The following TOP1 variants were observed in gnomAD, a reference collection of about 807,000 sequenced individuals.
TOP1 encodes DNA topoisomerase 1.
In TOP1, 10 loss-of-function variants were observed where a neutral mutation model predicts 111.1. The ratio of observed to expected loss-of-function variants is 0.09; its 90% confidence interval spans 0.06 to 0.15. TOP1 has a LOEUF of 0.15. Ranked by LOEUF, TOP1 falls within the 10% of genes least tolerant of loss-of-function variation. The pLI, the probability that TOP1 is intolerant of heterozygous loss-of-function variation, is 1.00. For synonymous variants in TOP1, 271 were observed against 302.9 expected (o/e 0.89, Z 1.10); for missense variants, 474 against 926.7 (o/e 0.51, Z 6.34).
Position 41,061,262 on chromosome 20 carries a change from C to T in TOP1, c.59-132C>T. ...GCTTCTTTGTGAAAGCTTTTTTTTT[C>T]AGTGGCATGTGCTATTATGCCTACC... On this transcript the variant is annotated intron_variant, in intron 2 of 20. Coordinates refer to ENST00000361337, the MANE Select transcript of TOP1 (RefSeq NM_003286.4). The surrounding 1 kb of genome is among the most constrained non-coding windows in gnomAD (Gnocchi z 4.6). The T allele has an allele frequency of 4.2e-6, 3 of 716,540 alleles. No homozygotes were observed. The highest frequency in any genetic ancestry group is 1.8e-5 in the African/African-American group (1 of 56,134). 44.4% of individuals were successfully genotyped at this position (716,540 alleles called of 1,614,324 possible).
chr20:41,084,335 G>GTA (rs1446490312), intron 7 of TOP1, 127 bp from the exon 8 acceptor site: 18 of 500,364 alleles, frequency 3.6e-5, no homozygotes, highest in Non-Finnish European at 5.9e-5. Context: ...AATGAGAGGA[G>GTA]TACTAAGATC....
intron 18 of TOP1, among the ~76,000 whole-genome samples, chr20:41,119,417 C>T (rs1489901744): frequency 6.6e-6 from 1 of 152,118 alleles, no homozygotes; most frequent in Non-Finnish European, 1.5e-5. Context: ...TAATTCAAGA[C>T]CAACCTGGGC....
chr20:41,116,983 G>A lies in TOP1; in HGVS notation c.1822+591G>A, dbSNP rs1275194732. On this transcript the variant is annotated intron_variant, in intron 17 of 20. Transcript: ENST00000361337. The surrounding 1 kb of genome is among the most constrained non-coding windows in gnomAD (Gnocchi z 5.6). ...GGTATGTTGAGGGTCAGTATTTTAA[G>A]GTGGTATAAAGAATGCCACACTATA... is the stretch of plus-strand genomic sequence containing the variant. Among the ~76,000 whole-genome samples the A allele has an allele frequency of 6.6e-6, 1 of 152,162 alleles. No homozygotes were observed. The highest frequency in any genetic ancestry group is 1.5e-5 in the Non-Finnish European group (1 of 68,032).
chr20:41,054,352 T>A (rs2145923128), intron 2 of TOP1, among the ~76,000 whole-genome samples: 1 of 152,268 alleles, frequency 6.6e-6, no homozygotes, highest in East Asian at 1.9e-4. Flanking sequence ...CTGCCATCAT[T>A]TGAAGAAGGA....
intron 3 of TOP1, among the ~76,000 whole-genome samples, chr20:41,068,181 C>G (rs530387927): frequency 6.6e-6 from 1 of 152,336 alleles, no homozygotes; most frequent in Non-Finnish European, 1.5e-5. Flanking sequence ...TCACCTCAGG[C>G]ACTGCCTTTA....
At chr20:41,108,344 C>T (rs948744505) in intron 13 of TOP1, among the ~76,000 whole-genome samples, 1 of 152,086 alleles carries the variant, frequency 6.6e-6, no homozygotes, top group African/African-American at 2.4e-5. Flanking sequence ...TATGAATTTT[C>T]GACAATTTAA....
chr20:41,029,481 C>A lies in TOP1; in HGVS notation c.58+26C>A. On this transcript the variant is annotated intron_variant, in intron 2 of 20. Coordinates refer to ENST00000361337, the MANE Select transcript of TOP1 (RefSeq NM_003286.4). This position sits in a 1 kb window ranked among gnomAD's most constrained non-coding sequence, Gnocchi z 6.1. ...GTGAGTGTGCCCCCTGCGCCGACTC[C>A]GGGGCCCCCCAGCCGCCGGCCGCCT... The A allele has an allele frequency of 6.4e-7, 1 of 1,553,132 alleles. No individual in the cohort carries two copies. The highest frequency in any genetic ancestry group is 1.4e-5 in the African/African-American group (1 of 71,474).
In TOP1 at chr20:41,109,314, T is replaced by G. The variant is rs1040707870; in HGVS notation, c.1309-3468T>G. On this transcript the variant is annotated intron_variant, in intron 13 of 20. Coordinates refer to ENST00000361337, the MANE Select transcript of TOP1 (RefSeq NM_003286.4). The surrounding 1 kb of genome is among the most constrained non-coding windows in gnomAD (Gnocchi z 4.1). The stretch of plus-strand genomic sequence containing the variant: ...CATCTTGGTATAAAATTCAAAACGT[T>G]TTAAATCTATTTATTAGTAAGACTA... Among the ~76,000 whole-genome samples, 4 of 152,178 alleles carry G rather than the reference T, an allele frequency of 2.6e-5. No homozygotes were observed. Among genetic ancestry groups the G allele is most frequent in the African/African-American group, 4.8e-5 (2 of 41,460 alleles).
chr20:41,089,842 G>A (rs1337457807), intron 8 of TOP1, among the ~76,000 whole-genome samples: 1 of 152,106 alleles, frequency 6.6e-6, no homozygotes, highest in Non-Finnish European at 1.5e-5. Context: ...GAGTATGAAT[G>A]GTATCTCATT....
At position 41,080,737 on chromosome 20, in the gene TOP1, C is replaced by T. The variant is rs1297809320; in HGVS notation, c.432-428C>T. Among the ~76,000 whole-genome samples the T allele has an allele frequency of 6.6e-6, 1 of 152,176 alleles. No individual in the cohort carries two copies. Among genetic ancestry groups the T allele is most frequent in the Non-Finnish European group, 1.5e-5 (1 of 68,036 alleles). ...GGAGAAGGGAAATACTTAGTGAACT[C>T]ATTTGTATTCATTCAATATAGAATT... On this transcript the variant is annotated intron_variant, in intron 6 of 20. Transcript: ENST00000361337. This position sits in a 1 kb window ranked among gnomAD's most constrained non-coding sequence, Gnocchi z 5.0.
chr20:41,029,312 A>G lies in TOP1; in HGVS notation c.34-119A>G. On this transcript the variant is annotated intron_variant, in intron 1 of 20. Coordinates refer to ENST00000361337, the MANE Select transcript of TOP1 (RefSeq NM_003286.4). This position sits in a 1 kb window ranked among gnomAD's most constrained non-coding sequence, Gnocchi z 6.1. ...GCAGGGATGGCTGCCCTCTGTGGCC[A>G]CCCCCGGGTCCCCGTCCTCCCCGGG... The G allele has an allele frequency of 1.1e-6, 1 of 945,610 alleles. No homozygotes were observed. Among genetic ancestry groups the G allele is most frequent in the Non-Finnish European group, 1.5e-6 (1 of 669,836 alleles). 58.6% of individuals were successfully genotyped at this position (945,610 alleles called of 1,614,324 possible). A position where few individuals can be genotyped will look rare whatever the true frequency, so the allele number is the denominator to read the frequency against.
chr20:41,121,863 C>T lies in TOP1; in HGVS notation c.2045+73C>T. The T allele has an allele frequency of 6.4e-7, 1 of 1,558,082 alleles. No homozygotes were observed. Among genetic ancestry groups the T allele is most frequent in the South Asian group, 1.1e-5 (1 of 87,386 alleles). ...CAGCATCTGTCAGGGCCCCTGGGGC[C>T]CTGGCTTTTCGATGGTTTCTGAGAA... is the stretch of plus-strand genomic sequence containing the variant. On this transcript the variant is annotated intron_variant, in intron 19 of 20. Coordinates refer to ENST00000361337, the MANE Select transcript of TOP1 (RefSeq NM_003286.4). The surrounding 1 kb of genome is among the most constrained non-coding windows in gnomAD (Gnocchi z 4.2).
chr20:41,099,750 A>ATT (rs2034033630), intron 11 of TOP1, among the ~76,000 whole-genome samples: 1 of 152,210 alleles, frequency 6.6e-6, no homozygotes, highest in Admixed American at 6.5e-5. Flanking sequence ...GTACTCAGTA[A>ATT]AACAGTATGA....
Position 41,118,334 on chromosome 20 carries a change from G to C in TOP1, c.1950+38G>C. On this transcript the variant is annotated intron_variant, in intron 18 of 20. Coordinates refer to ENST00000361337, the MANE Select transcript of TOP1 (RefSeq NM_003286.4). This position sits in a 1 kb window ranked among gnomAD's most constrained non-coding sequence, Gnocchi z 4.6. ...AAATGAAGGGAACTGTGTCTGCTGT[G>C]GGCAGATTATCTGCGAATGAGAGGA... 1.2e-6 allele frequency: 2 copies of C among 1,607,812 alleles called. No homozygotes were observed. Among genetic ancestry groups the C allele is most frequent in the East Asian group, 4.5e-5 (2 of 44,736 alleles).
chr20:41,044,706 CTT>C (rs1453053204), intron 2 of TOP1, among the ~76,000 whole-genome samples: 3 of 152,100 alleles, frequency 2.0e-5, no homozygotes, highest in Non-Finnish European at 1.5e-5. Flanking sequence ...TCCAGTAGAA[CTT>C]TTTGTCATGA....
Position 41,110,183 on chromosome 20 carries a change from G to T in TOP1, c.1309-2599G>T, listed in dbSNP as rs1310884654. 6.6e-6 allele frequency among the ~76,000 whole-genome samples: 1 copy of T among 152,198 alleles called. No individual in the cohort carries two copies. The highest frequency in any genetic ancestry group is 1.5e-5 in the Non-Finnish European group (1 of 68,030). ...ACCTGTAATCTCAGCTATTCAGGAG[G>T]CTGAGACATGGGAATCGCTTGAACC... On this transcript the variant is annotated intron_variant, in intron 13 of 20. Transcript: ENST00000361337. This position sits in a 1 kb window ranked among gnomAD's most constrained non-coding sequence, Gnocchi z 4.2.
chr20:41,039,705 G>A (rs942292064), intron 2 of TOP1, among the ~76,000 whole-genome samples: 6 of 152,096 alleles, frequency 3.9e-5, no homozygotes, highest in Non-Finnish European at 7.4e-5. Flanking sequence ...TCAGGAGATC[G>A]AGACCATCCT....
rs2033136909 is a variant in TOP1 at position 41,032,782 on chromosome 20, TTCTG to T, written c.58+3333_58+3336del. 6.6e-6 allele frequency among the ~76,000 whole-genome samples: 1 copy of T among 152,244 alleles called. No individual in the cohort carries two copies. Among genetic ancestry groups the T allele is most frequent in the Non-Finnish European group, 1.5e-5 (1 of 68,042 alleles). ...TTCTGATGCTAATAGATAGTTGTAC[TTCTG>T]TCTGTTGGGTATGGGTTGGGATGGG... On this transcript the variant is annotated intron_variant, in intron 2 of 20. Transcript: ENST00000361337. This position sits in a 1 kb window ranked among gnomAD's most constrained non-coding sequence, Gnocchi z 4.3.
chr20:41,029,411 C>T lies in TOP1; in HGVS notation c.34-20C>T. The T allele has an allele frequency of 2.0e-6, 3 of 1,470,590 alleles. No homozygotes were observed. The highest frequency in any genetic ancestry group is 2.7e-6 in the Non-Finnish European group (3 of 1,107,550). The allele number at this position is 1,470,590 out of a possible 1,614,324, so 91.1% of individuals were successfully genotyped here. On this transcript the variant is annotated intron_variant, in intron 1 of 20. Transcript: ENST00000361337. This position sits in a 1 kb window ranked among gnomAD's most constrained non-coding sequence, Gnocchi z 6.1. ...GTTAAAGTGGCTGTTGTTTGATATTCTCTCCTTTTCTTTTTCCAGATCGAA... is the reference window on the plus strand; with the variant it reads ...GTTAAAGTGGCTGTTGTTTGATATTTTCTCCTTTTCTTTTTCCAGATCGAA...
Sources: allele counts gnomAD v4.1 joint callset (sites outside exome capture counted in the v4.1 genomes callset), GRCh38; gene constraint gnomAD v4.1.1; non-coding constraint Gnocchi (gnomAD v3.1); transcripts MANE v1.5; gene names NCBI Gene and HGNC (gene_info 2026-07-23, HGNC 2026-07-21).